EML2: variants seen among roughly 807,000 people sequenced by gnomAD.
EML2 encodes the protein EMAP like 2.
EML2 carries 59 observed loss-of-function variants against 84.7 expected under a neutral mutation model. That is an observed-to-expected ratio of 0.70 (90% confidence interval 0.56 to 0.86). EML2 has a LOEUF of 0.86. Ranked by LOEUF, EML2 falls within the 40% of genes least tolerant of loss-of-function variation. The pLI is 0.00. For missense variants in EML2, 818 were observed against 855.6 expected, an observed-to-expected ratio of 0.96 and a Z score of 0.55; for synonymous variants, 352 against 348.9, an observed-to-expected ratio of 1.01 and a Z score of -0.10.
intron 3 of EML2, 42 bp from the exon 4 acceptor site, chr19:45,634,513 T>C: frequency 7.1e-7 from 1 of 1,412,536 alleles, no homozygotes; most frequent in South Asian, 1.7e-5. Context: ...TGTTTTGTTG[T>C]TGTTGTTTGT....
chr19:45,637,610 C>T (rs1342847225), intron 3 of EML2, among the ~76,000 whole-genome samples: 1 of 147,870 alleles, frequency 6.8e-6, no homozygotes, highest in African/African-American at 2.5e-5. Flanking sequence ...TCCAGAGTAG[C>T]TGGGAACCAC....
intron 6 of EML2, among the ~76,000 whole-genome samples, chr19:45,631,738 C>T (rs1430262256): frequency 6.6e-6 from 1 of 151,988 alleles, no homozygotes. Context: ...CAGCGTCCTG[C>T]CATATCGCCC....
intron 11 of EML2, 84 bp from the exon 12 acceptor site, chr19:45,619,275 G>A (rs1225952567): frequency 2.4e-5 from 36 of 1,479,276 alleles, no homozygotes; most frequent in South Asian, 5.4e-5. Context: ...AATGCTAGAT[G>A]AGCCCCAGCA....
chr19:45,642,364 G>C (rs979468139), upstream of EML2: 3 of 1,526,142 alleles, frequency 2.0e-6, no homozygotes, highest in Non-Finnish European at 2.6e-6. Context: ...TGGAAGACGG[G>C]GGAGTGCCGG....
At chr19:45,632,015 C>T (rs953056192) in intron 6 of EML2, among the ~76,000 whole-genome samples, 1 of 150,402 alleles carries the variant, frequency 6.6e-6, no homozygotes, top group African/African-American at 2.5e-5. Flanking sequence ...TTGCCTCAGC[C>T]TCCCAAGTAG....
chr19:45,638,474 G>T (rs1230099593), intron 3 of EML2, 31 bp downstream of exon 3: 1 of 1,613,460 alleles, frequency 6.2e-7, no homozygotes, highest in South Asian at 1.1e-5. Context: ...GGGGGGATGG[G>T]AGCACCAAGG....
intron 3 of EML2, among the ~76,000 whole-genome samples, chr19:45,635,379 T>A (rs150711189): frequency 0.01 from 1,586 of 152,166 alleles, 21 homozygotes; most frequent in African/African-American, 0.035. Flanking sequence ...CCTCAGGTGA[T>A]CCACCCACCT....
chr19:45,634,383 GCA>G lies in EML2; in HGVS notation c.266_267del (p.Val89AlafsTer18), dbSNP rs1160481118. 6.2e-7 allele frequency: 1 copy of G among 1,614,096 alleles called. No homozygotes were observed. The highest frequency in any genetic ancestry group is 2.2e-5 in the East Asian group (1 of 44,876). On this transcript the variant is annotated frameshift_variant, in exon 4 of 19. Coordinates refer to ENST00000245925, the MANE Select transcript of EML2 (RefSeq NM_012155.4). LOFTEE classifies it high-confidence loss of function. ...TGCCTCTGCTCCTCCACGCTGTATA[GCA>G]CGGCTACGGAGGCCACAAAGTACAC... ...EIVYFVASVA[V>X]LYSVEEQRQR...
At chr19:45,618,945 T>G in intron 12 of EML2, 115 bp downstream of exon 12, 1 of 1,235,620 alleles carries the variant, frequency 8.1e-7, no homozygotes, top group South Asian at 2.1e-5. Context: ...AGACTCCACC[T>G]CGAAGAAAAA....
At chr19:45,645,074 G>T (rs1426116213), upstream of EML2, among the ~76,000 whole-genome samples, 2 of 152,056 alleles carry the variant, frequency 1.3e-5, no homozygotes, top group Admixed American at 6.6e-5. Context: ...AGTACAGAAG[G>T]ATCCAAGTGG....
At chr19:45,645,318 A>T, upstream of EML2, 1 of 1,533,052 alleles carries the variant, frequency 6.5e-7, no homozygotes, top group Admixed American at 2.0e-5. Flanking sequence ...AGGCCGCAGA[A>T]GGCCGGGCCG....
Position 45,614,618 on chromosome 19 carries a change from C to T in EML2, c.1680G>A (p.Gly560=). 6.2e-7 allele frequency: 1 copy of T among 1,614,040 alleles called. No homozygotes were observed. Among genetic ancestry groups the T allele is most frequent in the East Asian group, 2.2e-5 (1 of 44,880 alleles). ...MEWATATCVL[G]FGVFGIWSEG... is the part of the protein sequence containing the mutation. ...TCCAGAACTCACCAAACACCCCAAA[C>T]CCTAGGACACAAGTAGCTGTGGCCC... Residue 560 remains glycine (G), a synonymous_variant, in exon 17 of 19, where the codon GGG becomes GGA. Coordinates refer to ENST00000245925, the MANE Select transcript of EML2 (RefSeq NM_012155.4).
intron 12 of EML2, 196 bp downstream of exon 12, chr19:45,618,864 T>C: frequency 2.4e-6 from 1 of 415,846 alleles, no homozygotes. Flanking sequence ...GAAGAATCAC[T>C]TGAACCCGGG....
chr19:45,640,670 G>C (rs1241037019), upstream of EML2: 3 of 152,178 alleles, frequency 2.0e-5, no homozygotes, highest in Non-Finnish European at 4.4e-5. Flanking sequence ...ACCCGCCTAG[G>C]CCTCCCGAAG....
At chr19:45,643,210 C>T (rs1354491395), upstream of EML2, among the ~76,000 whole-genome samples, 1 of 152,138 alleles carries the variant, frequency 6.6e-6, no homozygotes, top group Non-Finnish European at 1.5e-5. Context: ...AAAGGTCATG[C>T]CTAGCCTCCC....
upstream of EML2, chr19:45,645,372 T>TCCCAGCCCGGG (rs1568503875): frequency 1.3e-5 from 20 of 1,522,858 alleles, no homozygotes; most frequent in East Asian, 5.1e-4. Context: ...GCCCCCCCGG[T>TCCCAGCCCGGG]CCCAGCCCGG....
In EML2 at chr19:45,615,226, G is replaced by A. The variant is rs564727098; in HGVS notation, c.1598-526C>T. Among the ~76,000 whole-genome samples the A allele has an allele frequency of 3.3e-5, 5 of 152,140 alleles. No individual in the cohort carries two copies. In the South Asian group the frequency reaches 8.3e-4, roughly 25 times the overall value. ...GTGGTGGTGGACACCTGGAATCCCAGCTACTCAGGAGCCTGAGGCAAGAGA... is the reference window on the plus strand; with the variant it reads ...GTGGTGGTGGACACCTGGAATCCCAACTACTCAGGAGCCTGAGGCAAGAGA... On this transcript the variant is annotated intron_variant, in intron 16 of 18. Transcript: ENST00000245925.
In EML2 at chr19:45,613,629, A is replaced by G. The variant is rs1298989452; in HGVS notation, c.1736T>C (p.Val579Ala). The G allele has an allele frequency of 6.2e-7, 1 of 1,614,128 alleles. No homozygotes were observed. Among genetic ancestry groups the G allele is most frequent in the South Asian group, 1.1e-5 (1 of 91,084 alleles). The change falls in exon 18 of 19, where the codon GTG becomes GCG. Residue 579 changes from valine (V) to alanine (A), a missense_variant. Coordinates refer to ENST00000245925, the MANE Select transcript of EML2 (RefSeq NM_012155.4). ...CAACTTCCCATCATGAGAGCGGGCCACAGCGTTGATATCAGTGCCGTCCGC... is the reference window on the plus strand; with the variant it reads ...CAACTTCCCATCATGAGAGCGGGCCGCAGCGTTGATATCAGTGCCGTCCGC... ...EGADGTDINA[V>A]ARSHDGKLLA...
chr19:45,613,574 A>G lies in EML2; in HGVS notation c.1791T>C (p.Val597=), dbSNP rs556895545. 1.2e-6 allele frequency: 2 copies of G among 1,614,084 alleles called. No individual in the cohort carries two copies. Among genetic ancestry groups the G allele is most frequent in the African/African-American group, 1.3e-5 (1 of 75,006 alleles). ...LLASADDFGK[V]HLFSYPCCQP... The stretch of plus-strand genomic sequence containing the variant: ...GACAGCAGGGGTAGCTAAACAGGTG[A>G]ACTTTGCCAAAGTCATCAGCTGAAG... The change falls in exon 18 of 19, where the codon GTT becomes GTC. Residue 597 remains valine, a synonymous_variant. Coordinates refer to ENST00000245925, the MANE Select transcript of EML2 (RefSeq NM_012155.4).
Sources: gnomAD v4.1 joint callset for allele counts (sites outside exome capture counted in the v4.1 genomes callset) on GRCh38, gnomAD v4.1.1 for gene constraint, MANE v1.5 for transcripts, NCBI Gene and HGNC (gene_info 2026-07-23, HGNC 2026-07-21) for gene names.